ERAP1: variants seen among roughly 807,000 people sequenced by gnomAD.
ERAP1 encodes endoplasmic reticulum aminopeptidase 1.
ERAP1 carries 86 observed loss-of-function variants against 103.7 expected under a neutral mutation model. That is an observed-to-expected ratio of 0.83 (90% CI 0.70 to 0.99). The LOEUF is 0.99. Among genes scored for constraint, ERAP1 ranks in the 50% least tolerant of loss-of-function variants. The pLI, the probability that ERAP1 is intolerant of heterozygous loss-of-function variation, is 0.00. For synonymous variants in ERAP1, 398 were observed against 402.4 expected, an observed-to-expected ratio of 0.99 and a Z score of 0.13; for missense variants, 1,009 against 1,128.4, an observed-to-expected ratio of 0.89 and a Z score of 1.52.
the ERAP1 span, among the ~76,000 whole-genome samples, chr5:96,857,235 T>G: frequency 1.5e-3 from 225 of 152,330 alleles, 6 homozygotes; most frequent in East Asian, 0.03. Context: ...AGGGCCAGGT[T>G]AGGTTAGCAT....
chr5:96,775,339 T>TATCAATCA lies in ERAP1; in HGVS notation c.*1056_*1057insTGATTGAT, dbSNP rs34023349. 24 of 985,200 alleles carry TATCAATCA rather than the reference T, an allele frequency of 2.4e-5. No individual in the cohort carries two copies. Among genetic ancestry groups the TATCAATCA allele is most frequent in the South Asian group, 4.7e-5 (1 of 21,282 alleles). 61.0% of individuals were successfully genotyped at this position (985,200 alleles called of 1,614,324 possible). A position where few individuals can be genotyped will look rare whatever the true frequency, so the allele number is the denominator to read the frequency against. ...GCAAATATTTTGTTTCACAATGTACTATCATTTATTGGTGACTGCAATAAT... is the reference window on the plus strand; with the variant it reads ...GCAAATATTTTGTTTCACAATGTACTATCAATCAATCATTTATTGGTGACTGCAATAAT... On this transcript the variant is annotated 3_prime_UTR_variant, in exon 19 of 19. Transcript: ENST00000443439.
chr5:96,790,392 A>C (rs1776598618), intron 9 of ERAP1, 25 bp from the exon 10 acceptor site: 1 of 1,611,490 alleles, frequency 6.2e-7, no homozygotes, highest in Non-Finnish European at 8.5e-7. Flanking sequence ...TAAACACATC[A>C]CTCTTATTTC....
chr5:96,913,271 T>C, the ERAP1 span: 1 of 1,517,818 alleles, frequency 6.6e-7, no homozygotes, highest in Non-Finnish European at 9.1e-7. Flanking sequence ...AATGTCCATG[T>C]ACATAATACC....
At chr5:96,902,978 T>C in the ERAP1 span, among the ~76,000 whole-genome samples, 1 of 152,226 alleles carries the variant, frequency 6.6e-6, no homozygotes, top group African/African-American at 2.4e-5. Context: ...CCTTCTTTAC[T>C]AAAATGAACA....
the ERAP1 span, among the ~76,000 whole-genome samples, chr5:96,871,761 C>A: frequency 6.6e-6 from 1 of 152,100 alleles, no homozygotes; most frequent in Non-Finnish European, 1.5e-5. Context: ...ATTTTTATGG[C>A]GGCATTTTTC....
In ERAP1 at chr5:96,785,927, C is replaced by T; in HGVS notation, c.1804G>A (p.Val602Met). Reference sequence around the variant, plus strand: ...ACAATGTAATAGCCATTCATGCCCACATTAAATTTGATCCATTCCACCTCT... The same window carrying T: ...ACAATGTAATAGCCATTCATGCCCATATTAAATTTGATCCATTCCACCTCT... ...PEEVEWIKFN[V>M]GMNGYYIVHY... The change falls in exon 13 of 19, where the codon GTG (valine) becomes ATG (methionine). Residue 602 changes from valine (V) to methionine (M), a missense_variant. Val to Met is a conservative substitution (Grantham distance 21). Transcript: ENST00000443439. 6.2e-7 allele frequency: 1 copy of T among 1,614,170 alleles called. No individual in the cohort carries two copies. Among genetic ancestry groups the T allele is most frequent in the Non-Finnish European group, 8.5e-7 (1 of 1,180,016 alleles).
chr5:96,825,079 T>A, the ERAP1 span, among the ~76,000 whole-genome samples: 1 of 152,170 alleles, frequency 6.6e-6, no homozygotes, highest in East Asian at 1.9e-4. Context: ...TAAAAATGTT[T>A]CTATTTACTT....
At position 96,793,521 on chromosome 5, in the gene ERAP1, C is replaced by G. The variant is rs760097615; in HGVS notation, c.1075-8G>C. On this transcript the variant is annotated splice_polypyrimidine_tract_variant and splice_region_variant and intron_variant, in intron 6 of 18. Coordinates refer to ENST00000443439, the MANE Select transcript of ERAP1 (RefSeq NM_001040458.3). Reference sequence around the variant, plus strand: ...GACCAGGTTCCCAAACCACTAAAAGCACAACATAAGCCATAAACAAAGACA... The same window carrying G: ...GACCAGGTTCCCAAACCACTAAAAGGACAACATAAGCCATAAACAAAGACA... 84 of 1,595,756 alleles carry G rather than the reference C, an allele frequency of 5.3e-5. No individual in the cohort carries two copies. The South Asian group carries it at 9.1e-4, about 17-fold the overall frequency.
the ERAP1 span, among the ~76,000 whole-genome samples, chr5:96,929,475 T>TC: frequency 1.3e-5 from 2 of 151,914 alleles, no homozygotes; most frequent in African/African-American, 4.8e-5. Context: ...TTCCTTTTTT[T>TC]TCTTCCTTCC....
the ERAP1 span, among the ~76,000 whole-genome samples, chr5:96,813,381 G>A: frequency 6.6e-6 from 1 of 152,116 alleles, no homozygotes; most frequent in Admixed American, 6.5e-5. Context: ...TAGGCCAGGC[G>A]CGGTGGCTCA....
the ERAP1 span, among the ~76,000 whole-genome samples, chr5:96,815,180 CT>C: frequency 6.6e-6 from 1 of 152,204 alleles, no homozygotes; most frequent in Admixed American, 6.5e-5. Flanking sequence ...TTTTCTGTTT[CT>C]GTAGCATTGT....
the ERAP1 span, among the ~76,000 whole-genome samples, chr5:96,907,339 A>G: frequency 6.6e-6 from 1 of 152,372 alleles, no homozygotes; most frequent in East Asian, 1.9e-4. Flanking sequence ...TAAAAGAAAT[A>G]GGCAACTATA....
chr5:96,799,412 AAAGGGAC>A (rs1777741560), intron 3 of ERAP1, among the ~76,000 whole-genome samples: 1 of 152,200 alleles, frequency 6.6e-6, no homozygotes, highest in African/African-American at 2.4e-5. Flanking sequence ...ATTCCCGTCC[AAAGGGAC>A]AACATTGCAT....
At chr5:96,799,687 G>A (rs1054932323) in intron 3 of ERAP1, among the ~76,000 whole-genome samples, 1 of 152,194 alleles carries the variant, frequency 6.6e-6, no homozygotes, top group East Asian at 1.9e-4. Flanking sequence ...GTCCCAGGGA[G>A]TAATACCACA....
the ERAP1 span, among the ~76,000 whole-genome samples, chr5:96,874,134 G>GAAATAA: frequency 7.8e-6 from 1 of 128,452 alleles, no homozygotes; most frequent in Non-Finnish European, 1.6e-5. Context: ...AAGAAAGAGA[G>GAAATAA]AGAGAAAGAA....
At chr5:96,842,817 A>G in the ERAP1 span, among the ~76,000 whole-genome samples, 2 of 151,908 alleles carry the variant, frequency 1.3e-5, no homozygotes, top group African/African-American at 4.8e-5. Context: ...TTTTTGTTGC[A>G]TTTGCTTTTG....
At chr5:96,886,592 C>A in the ERAP1 span, 1 of 1,380,866 alleles carries the variant, frequency 7.2e-7, no homozygotes, top group South Asian at 1.8e-5. Context: ...TGCCATAAGT[C>A]ATAGGCATGG....
chr5:96,824,337 G>A, the ERAP1 span, among the ~76,000 whole-genome samples: 1 of 152,162 alleles, frequency 6.6e-6, no homozygotes, highest in African/African-American at 2.4e-5. Flanking sequence ...CTCTGCTACA[G>A]TTCTTGGTGA....
At chr5:96,854,744 T>C in the ERAP1 span, among the ~76,000 whole-genome samples, 1 of 152,208 alleles carries the variant, frequency 6.6e-6, no homozygotes, top group Non-Finnish European at 1.5e-5. Flanking sequence ...ATTTCAGTCA[T>C]TCCAACCCTT....
Sources: allele counts gnomAD v4.1 joint callset (sites outside exome capture counted in the v4.1 genomes callset), GRCh38; gene constraint gnomAD v4.1.1; transcripts MANE v1.5; gene names NCBI Gene and HGNC (gene_info 2026-07-23, HGNC 2026-07-21).